Variants in ATP2B2 observed in about 807,000 individuals in gnomAD.
The protein encoded by ATP2B2 is ATPase plasma membrane Ca2+ transporting 2, also known as plasma membrane calcium-transporting ATPase 2.
ATP2B2 carries 15 observed loss-of-function variants against 120.0 expected under a neutral mutation model. The ratio of observed to expected loss-of-function variants is 0.12; its 90% CI spans 0.08 to 0.19. The LOEUF (loss-of-function observed/expected upper bound fraction) is 0.19, where lower values mean the gene tolerates loss of function less well. Among genes scored for constraint, ATP2B2 ranks in the 10% least tolerant of loss-of-function variants. The pLI, the probability that ATP2B2 is intolerant of heterozygous loss-of-function variation, is 1.00. For missense variants in ATP2B2, 1,045 were observed against 1,719.8 expected, an observed-to-expected ratio of 0.61 and a Z score of 6.94; for synonymous variants, 694 against 700.3, an observed-to-expected ratio of 0.99 and a Z score of 0.14.
At chr3:10,594,199 C>T (rs1232908820) in intron 2 of ATP2B2, among the ~76,000 whole-genome samples, 2 of 152,162 alleles carry the variant, frequency 1.3e-5, no homozygotes, top group Admixed American at 6.5e-5. Flanking sequence ...CCATTTGACC[C>T]AGCCATCCCA....
At chr3:10,683,812 A>G (rs1459018031) in intron 1 of ATP2B2, among the ~76,000 whole-genome samples, 1 of 135,718 alleles carries the variant, frequency 7.4e-6, no homozygotes, top group East Asian at 2.2e-4. Flanking sequence ...ATATGTAAAG[A>G]GACAGGGTCT....
intron 2 of ATP2B2, among the ~76,000 whole-genome samples, chr3:10,443,202 A>G (rs1050587240): frequency 2.6e-5 from 4 of 152,008 alleles, no homozygotes; most frequent in African/African-American, 7.2e-5. Context: ...TTTTCTCCCA[A>G]TCCAGGCCAT....
intron 2 of ATP2B2, among the ~76,000 whole-genome samples, chr3:10,432,012 C>A (rs894745895): frequency 6.6e-6 from 1 of 152,254 alleles, no homozygotes; most frequent in Non-Finnish European, 1.5e-5. Context: ...CAGGACAGAG[C>A]TGGAATGACA....
intron 1 of ATP2B2, among the ~76,000 whole-genome samples, chr3:10,702,853 C>T (rs1407717957): frequency 6.6e-6 from 1 of 152,208 alleles, no homozygotes; most frequent in Non-Finnish European, 1.5e-5. Context: ...TCTCCTAAGA[C>T]CAATGGATAT....
chr3:10,680,244 T>G (rs2071349980), intron 1 of ATP2B2, among the ~76,000 whole-genome samples: 1 of 152,162 alleles, frequency 6.6e-6, no homozygotes, highest in Non-Finnish European at 1.5e-5. Context: ...GGTCTCCACT[T>G]TGCCATTTGT....
intron 1 of ATP2B2, among the ~76,000 whole-genome samples, chr3:10,701,417 T>C (rs2071815757): frequency 6.6e-6 from 1 of 152,156 alleles, no homozygotes; most frequent in Non-Finnish European, 1.5e-5. Flanking sequence ...TAATCACGAG[T>C]TGACAGCCTA....
At chr3:10,503,697 C>T (rs111420055) in intron 1 of ATP2B2, among the ~76,000 whole-genome samples, 3,132 of 152,376 alleles carry the variant, frequency 0.021, 42 homozygotes, top group Middle Eastern at 0.078. Flanking sequence ...TTCCAGCATG[C>T]CATGTGCCTG....
At chr3:10,601,386 T>C (rs1451822500) in intron 2 of ATP2B2, among the ~76,000 whole-genome samples, 1 of 152,038 alleles carries the variant, frequency 6.6e-6, no homozygotes, top group African/African-American at 2.4e-5. Context: ...CTCAACCCCC[T>C]GAGTGGAGGA....
At chr3:10,388,041 GA>G in intron 6 of ATP2B2, 1 of 532,548 alleles carries the variant, frequency 1.9e-6, no homozygotes, top group African/African-American at 1.9e-5. Context: ...GCCCGGAGGG[GA>G]AGGAGGGGCC....
chr3:10,478,283 T>C (rs1410410900), intron 1 of ATP2B2, among the ~76,000 whole-genome samples: 2 of 152,236 alleles, frequency 1.3e-5, no homozygotes, highest in East Asian at 3.8e-4. Flanking sequence ...CTTTATCATA[T>C]ATGTAATTTG....
intron 1 of ATP2B2, among the ~76,000 whole-genome samples, chr3:10,682,520 A>C (rs955705425): frequency 3.9e-5 from 6 of 152,242 alleles, no homozygotes; most frequent in African/African-American, 1.2e-4. Context: ...GTGATGGTTA[A>C]ATAAGTAAGT....
At chr3:10,520,029 C>T (rs1021278039) in intron 3 of ATP2B2, among the ~76,000 whole-genome samples, 2 of 152,180 alleles carry the variant, frequency 1.3e-5, no homozygotes, top group South Asian at 2.1e-4. Flanking sequence ...TTTTCAGGTC[C>T]CCACCCTGAT....
At chr3:10,688,378 G>A (rs1022178189) in intron 1 of ATP2B2, among the ~76,000 whole-genome samples, 2 of 152,238 alleles carry the variant, frequency 1.3e-5, no homozygotes, top group Non-Finnish European at 2.9e-5. Context: ...CCCCTAAGGA[G>A]CTTGTCATCA....
rs945704926 is a variant in ATP2B2 at position 10,632,653 on chromosome 3, G to T, written c.-459-12692C>A. Among the ~76,000 whole-genome samples the T allele has an allele frequency of 2.0e-5, 3 of 152,340 alleles. No homozygotes were observed. The East Asian group carries it at 5.8e-4, about 29-fold the overall frequency. On this transcript the variant is annotated intron_variant, in intron 1 of 21. Transcript: ENST00000646379. The stretch of plus-strand genomic sequence containing the variant: ...TCTGGCCTTGCCACAAAGGGACACT[G>T]GGCATGGGTGGGTCCTTTCCCCTAC...
intron 2 of ATP2B2, among the ~76,000 whole-genome samples, chr3:10,412,843 C>T (rs983224305): frequency 4.6e-5 from 7 of 152,242 alleles, no homozygotes; most frequent in South Asian, 2.1e-4. Flanking sequence ...AAATGGGCCC[C>T]GCAGCGGGGC....
chr3:10,630,304 T>C (rs2069827174), intron 1 of ATP2B2, among the ~76,000 whole-genome samples: 2 of 152,210 alleles, frequency 1.3e-5, no homozygotes, highest in Non-Finnish European at 2.9e-5. Flanking sequence ...TTCCTGATGC[T>C]CTCCCTCTTC....
chr3:10,693,464 A>G (rs1190445547), intron 1 of ATP2B2, among the ~76,000 whole-genome samples: 1 of 152,244 alleles, frequency 6.6e-6, no homozygotes, highest in Non-Finnish European at 1.5e-5. Flanking sequence ...ACAGGCTTCC[A>G]TTCCAGTTAG....
intron 2 of ATP2B2, among the ~76,000 whole-genome samples, chr3:10,443,998 C>T (rs1251803204): frequency 2.0e-5 from 3 of 152,182 alleles, no homozygotes; most frequent in Non-Finnish European, 2.9e-5. Flanking sequence ...ATGTCTTCCC[C>T]TCCACCCCTG....
At position 10,375,493 on chromosome 3, in the gene ATP2B2, C is replaced by A. The variant is rs139459100; in HGVS notation, c.1353G>T (p.Leu451=). 2.5e-6 allele frequency: 4 copies of A among 1,613,706 alleles called. No homozygotes were observed. Among genetic ancestry groups the A allele is most frequent in the Non-Finnish European group, 2.5e-6 (3 of 1,180,028 alleles). ...VKFFIIGVTV[L]VVAVPEGLPL... ...GGAGCCCCTCGGGCACGGCGACCAC[C>A]AGCACCGTCACGCCAATGATGAAGA... Residue 451 remains leucine, a synonymous_variant, in exon 11 of 23, where the codon CTG becomes CTT. Coordinates refer to ENST00000360273, the MANE Select transcript of ATP2B2 (RefSeq NM_001001331.4). The surrounding 1 kb of genome is among the most constrained non-coding windows in gnomAD (Gnocchi z 4.2).
Sources: allele counts gnomAD v4.1 joint callset (sites outside exome capture counted in the v4.1 genomes callset), GRCh38; gene constraint gnomAD v4.1.1; non-coding constraint Gnocchi (gnomAD v3.1); transcripts MANE v1.5; gene names NCBI Gene and HGNC (gene_info 2026-07-23, HGNC 2026-07-21).